Variants in SCMH1 observed in about 807,000 individuals in gnomAD.
SCMH1 encodes Scm polycomb group protein homolog 1, also known as polycomb protein SCMH1.
Under a neutral mutation model 70.8 loss-of-function variants are expected in SCMH1, and 37 were observed. The observed-to-expected ratio is 0.52, with a 90% CI of 0.40 to 0.69. The LOEUF (loss-of-function observed/expected upper bound fraction) is 0.69. Among genes scored for constraint, SCMH1 ranks in the 30% least tolerant of loss-of-function variants. The pLI, the probability that SCMH1 is intolerant of heterozygous loss-of-function variation, is 0.00. For synonymous variants in SCMH1, 292 were observed against 307.4 expected, an observed-to-expected ratio of 0.95 and a Z score of 0.52; for missense variants, 607 against 827.3, an observed-to-expected ratio of 0.73 and a Z score of 3.27.
At position 41,035,206 on chromosome 1, in the gene SCMH1, CCTGA is replaced by C. The variant is rs549313657; in HGVS notation, c.1678+2152_1678+2155del. On this transcript the variant is annotated intron_variant, in intron 13 of 14. Transcript: ENST00000337495. ...TGATTTAGCCTTGCATCCTTCCTAC[CCTGA>C]CTGCCTTCCCAGATGTAGTGGTTGA... Among the ~76,000 whole-genome samples, 62 of 152,306 alleles carry C rather than the reference CCTGA, an allele frequency of 4.1e-4. No individual in the cohort carries two copies. In the South Asian group the frequency reaches 0.012, roughly 31 times the overall value.
At chr1:41,223,696 T>C (rs1659720627) in intron 1 of SCMH1, among the ~76,000 whole-genome samples, 1 of 152,196 alleles carries the variant, frequency 6.6e-6, no homozygotes, top group African/African-American at 2.4e-5. Context: ...CAGCGCCATC[T>C]TTAATTCTCA....
chr1:41,132,305 T>C (rs974060691), intron 6 of SCMH1, among the ~76,000 whole-genome samples: 1 of 152,252 alleles, frequency 6.6e-6, no homozygotes, highest in Non-Finnish European at 1.5e-5. Flanking sequence ...CCAGTGATGA[T>C]GAGCATTTTT....
At chr1:41,055,579 G>C (rs1649953495) in intron 10 of SCMH1, among the ~76,000 whole-genome samples, 1 of 152,094 alleles carries the variant, frequency 6.6e-6, no homozygotes, top group Admixed American at 6.5e-5. Context: ...TGATCCGCCT[G>C]CCTTGGCCTC....
chr1:41,161,466 GA>G, intron 2 of SCMH1, 34 bp from the exon 3 acceptor site: 3 of 1,533,498 alleles, frequency 2.0e-6, no homozygotes, highest in Non-Finnish European at 2.6e-6. Flanking sequence ...CATGTGGAAA[GA>G]AAGTATAAGA....
intron 1 of SCMH1, among the ~76,000 whole-genome samples, chr1:41,233,330 T>C (rs1036203605): frequency 1.3e-5 from 2 of 152,220 alleles, no homozygotes; most frequent in East Asian, 1.9e-4. Context: ...TAGAATATCA[T>C]CCCATTCTGA....
chr1:41,173,470 T>TAAGACAAAAAAAAAAAAAAAAAA (rs1646917066), intron 2 of SCMH1, among the ~76,000 whole-genome samples: 1 of 152,104 alleles, frequency 6.6e-6, no homozygotes, highest in Non-Finnish European at 1.5e-5. Flanking sequence ...AAATAAATGC[T>TAAGACAAAAAAAAAAAAAAAAAA]GACAAAAATG....
intron 1 of SCMH1, among the ~76,000 whole-genome samples, chr1:41,186,766 T>G (rs1046371104): frequency 6.6e-6 from 1 of 152,180 alleles, no homozygotes; most frequent in Non-Finnish European, 1.5e-5. Flanking sequence ...TTCTCTCACA[T>G]AGAGAAAAAT....
chr1:41,028,203 G>T (rs749165252), exon 15 of SCMH1: 1 of 1,614,128 alleles, frequency 6.2e-7, no homozygotes, highest in South Asian at 1.1e-5. Context: ...TTCAGAACTT[G>T]CCCTGCTTCA....
chr1:41,167,632 CT>C (rs1557718141), intron 2 of SCMH1, among the ~76,000 whole-genome samples: 1 of 152,238 alleles, frequency 6.6e-6, no homozygotes, highest in African/African-American at 2.4e-5. Flanking sequence ...TTCATTTCTT[CT>C]GGTTGTCCAA....
At chr1:41,176,200 C>CAAAAAAAAAAAAAAAAAAAACA (rs764569782) in intron 2 of SCMH1, among the ~76,000 whole-genome samples, 3 of 101,424 alleles carry the variant, frequency 3.0e-5, no homozygotes, top group Admixed American at 9.8e-5. Context: ...AAAAAAAAAA[C>CAAAAAAAAAAAAAAAAAAAACA]AAAAAAAAAA....
At chr1:41,116,544 C>T (rs1670508134) in intron 7 of SCMH1, among the ~76,000 whole-genome samples, 3 of 152,132 alleles carry the variant, frequency 2.0e-5, no homozygotes, top group Admixed American at 1.3e-4. Flanking sequence ...CCAAACATAT[C>T]GTAGGCAATA....
intron 2 of SCMH1, among the ~76,000 whole-genome samples, chr1:41,178,149 G>A (rs1371944570): frequency 6.6e-6 from 1 of 152,164 alleles, no homozygotes; most frequent in Non-Finnish European, 1.5e-5. Context: ...AGCTTCATAA[G>A]TGAAGGAGAA....
rs759500911 is a variant in SCMH1, at chr1:41,070,585, C to T, written c.1105+10G>A. ...GCTTGTGCGCAGGTAGTCCTGTCAT[C>T]TGCTCTTACCTGTTGGGGCCTGCAT... On this transcript the variant is annotated intron_variant, in intron 10 of 14. Transcript: ENST00000337495. 3.8e-5 allele frequency: 61 copies of T among 1,613,884 alleles called. No homozygotes were observed. The highest frequency in any genetic ancestry group is 4.6e-5 in the Non-Finnish European group (54 of 1,179,924).
intron 1 of SCMH1, among the ~76,000 whole-genome samples, chr1:41,193,527 G>T (rs72665624): frequency 3.3e-5 from 5 of 152,058 alleles, no homozygotes; most frequent in Admixed American, 6.5e-5. Context: ...CAGGGGTTGG[G>T]GGGGGGTTGA....
Position 41,096,635 on chromosome 1 carries a change from C to T in SCMH1, c.745+16648G>A, listed in dbSNP as rs80059126. Reference sequence around the variant, plus strand: ...AAATAAAACACTCATCAGGCAACTACGGCAAAATGATACTCTTGACCCTAA... The same window carrying T: ...AAATAAAACACTCATCAGGCAACTATGGCAAAATGATACTCTTGACCCTAA... On this transcript the variant is annotated intron_variant, in intron 8 of 14. Coordinates refer to ENST00000337495, the Ensembl canonical transcript of SCMH1. Among the ~76,000 whole-genome samples, 859 of 152,260 alleles carry T rather than the reference C, an allele frequency of 5.6e-3. 2 individuals are homozygous for T. The highest frequency in any genetic ancestry group is 9.7e-3 in the Non-Finnish European group (663 of 68,024).
intron 1 of SCMH1, among the ~76,000 whole-genome samples, chr1:41,213,636 C>T (rs143337597): frequency 3.9e-4 from 59 of 152,280 alleles, no homozygotes; most frequent in African/African-American, 1.3e-3. Flanking sequence ...ACCATTAGAT[C>T]ATACCCGCTT....
intron 1 of SCMH1, among the ~76,000 whole-genome samples, chr1:41,212,027 G>A (rs1657142512): frequency 6.6e-6 from 1 of 152,164 alleles, no homozygotes; most frequent in Non-Finnish European, 1.5e-5. Flanking sequence ...GGGGTAGGGA[G>A]CTGGGGGAGG....
At chr1:41,162,203 T>C (rs1229634120) in intron 2 of SCMH1, among the ~76,000 whole-genome samples, 1 of 152,138 alleles carries the variant, frequency 6.6e-6, no homozygotes, top group East Asian at 1.9e-4. Flanking sequence ...AGGACCCCTC[T>C]TCCCTCCCAG....
At chr1:41,173,610 G>A (rs1646925828) in intron 2 of SCMH1, among the ~76,000 whole-genome samples, 1 of 152,108 alleles carries the variant, frequency 6.6e-6, no homozygotes, top group Admixed American at 6.5e-5. Flanking sequence ...TTCCAATACT[G>A]GGTATATATC....
Sources: allele counts gnomAD v4.1 joint callset (sites outside exome capture counted in the v4.1 genomes callset), GRCh38; gene constraint gnomAD v4.1.1; transcripts MANE v1.5; gene names NCBI Gene and HGNC (gene_info 2026-07-23, HGNC 2026-07-21).